NSF: variants seen among roughly 807,000 people sequenced by gnomAD.
The protein encoded by NSF is N-ethylmaleimide sensitive factor, vesicle fusing ATPase.
In NSF, 14 loss-of-function variants were observed where a neutral mutation model predicts 50.3. The observed-to-expected ratio is 0.28, with a 90% CI of 0.18 to 0.44. The LOEUF (loss-of-function observed/expected upper bound fraction) is 0.44. NSF is among the 20% of genes least tolerant of loss of function. The probability of loss-of-function intolerance (pLI) is 1.00; values close to 1 mark genes in which losing one functional copy is unlikely to be tolerated. For missense variants in NSF, 218 were observed against 504.3 expected, an observed-to-expected ratio of 0.43 and a Z score of 5.44; for synonymous variants, 109 against 175.7, an observed-to-expected ratio of 0.62 and a Z score of 3.00.
chr17:46,636,057 G>GT (rs143636174), intron 4 of NSF, among the ~76,000 whole-genome samples: 13 of 48,338 alleles, frequency 2.7e-4, no homozygotes, highest in Middle Eastern at 8.5e-3. Flanking sequence ...TAAGAATCAA[G>GT]TTTTTTTTTC....
chr17:46,631,054 C>T (rs1222182641), intron 4 of NSF, among the ~76,000 whole-genome samples: 3 of 104,300 alleles, frequency 2.9e-5, no homozygotes, highest in Non-Finnish European at 5.4e-5. Context: ...GTCTCTGTCT[C>T]TCTCTGTACA....
chr17:46,755,353 T>G lies in NSF; in HGVS notation c.2197T>G (p.Leu733Val), dbSNP rs1409594456. ...CCGTGTGAGAAAATTCTTGGCCCTC[T>G]TAAGAGAAGAAGGAGCGTAAGTACA... is the stretch of plus-strand genomic sequence containing the variant. ...EYRVRKFLAL[L>V]REEGASPLDF... Residue 733 changes from leucine (L) to valine (V), a missense_variant, in exon 20 of 21, where the codon TTA (leucine) becomes GTA (valine). By Grantham distance (32) the Leu-to-Val change is conservative. This residue lies in a region of NSF where 209 missense variants were observed against 320.9 expected (regional missense o/e 0.65). Coordinates refer to ENST00000398238, the MANE Select transcript of NSF (RefSeq NM_006178.4). 1 of 1,613,688 alleles carries G rather than the reference T, an allele frequency of 6.2e-7. No homozygotes were observed. The highest frequency in any genetic ancestry group is 2.2e-5 in the East Asian group (1 of 44,886).
chr17:46,638,793 C>CCAT (rs2058207441), intron 5 of NSF, among the ~76,000 whole-genome samples: 1 of 97,740 alleles, frequency 1.0e-5, no homozygotes, highest in Non-Finnish European at 1.8e-5. Flanking sequence ...CAGGTGTGAG[C>CCAT]CATCACGCCT....
At chr17:46,611,869 TGTTAAA>T (rs1438476678) in intron 1 of NSF, among the ~76,000 whole-genome samples, 1 of 104,410 alleles carries the variant, frequency 9.6e-6, no homozygotes, top group Non-Finnish European at 1.9e-5. Context: ...AACTGGACTT[TGTTAAA>T]GTTAAAAACT....
intron 17 of NSF, among the ~76,000 whole-genome samples, chr17:46,733,617 C>A (rs949587280): frequency 1.3e-5 from 2 of 152,206 alleles, no homozygotes; most frequent in Non-Finnish European, 2.9e-5. Context: ...AAAATGATAA[C>A]ATCTGATGAT....
intron 13 of NSF, among the ~76,000 whole-genome samples, chr17:46,709,595 A>G (rs1303230124): frequency 1.3e-5 from 2 of 151,944 alleles, no homozygotes; most frequent in Admixed American, 6.6e-5. Context: ...CCCGGGTTCA[A>G]GCAATTCTCC....
At chr17:46,676,581 T>C (rs1042902871) in intron 9 of NSF, among the ~76,000 whole-genome samples, 1 of 143,184 alleles carries the variant, frequency 7.0e-6, no homozygotes, top group Admixed American at 7.0e-5. Context: ...GGTTTAGAAT[T>C]TGAATGAATG....
intron 17 of NSF, among the ~76,000 whole-genome samples, chr17:46,748,664 C>T (rs2059154276): frequency 6.6e-6 from 1 of 152,176 alleles, no homozygotes; most frequent in Admixed American, 6.5e-5. Flanking sequence ...TAGAGAGTCA[C>T]CGCTTCAGAT....
At chr17:46,735,526 A>G (rs2146309196) in intron 17 of NSF, among the ~76,000 whole-genome samples, 1 of 151,980 alleles carries the variant, frequency 6.6e-6, no homozygotes, top group African/African-American at 2.4e-5. Context: ...TATAGCCTTG[A>G]ACGTCCCTTA....
chr17:46,724,984 C>A (rs956292233), intron 15 of NSF, among the ~76,000 whole-genome samples: 4 of 152,018 alleles, frequency 2.6e-5, no homozygotes, highest in African/African-American at 4.8e-5. Context: ...TAAATTTATT[C>A]TTTTAGTAAA....
chr17:46,717,969 T>C (rs1024793402), intron 15 of NSF, among the ~76,000 whole-genome samples: 5 of 152,146 alleles, frequency 3.3e-5, no homozygotes, highest in African/African-American at 1.2e-4. Context: ...AGAACATCCA[T>C]TGCCAGATCT....
intron 17 of NSF, among the ~76,000 whole-genome samples, chr17:46,740,042 C>T (rs199445): frequency 0.15 from 22,594 of 152,052 alleles, 1,986 homozygotes; most frequent in Non-Finnish European, 0.2. Flanking sequence ...TTTCATAGGC[C>T]CTGGGCACTG....
In NSF at chr17:46,720,314, AT is replaced by A. The variant is rs759659590; in HGVS notation, c.1762-6232del. Among the ~76,000 whole-genome samples the A allele has an allele frequency of 3.2e-3, 492 of 152,204 alleles. 4 individuals carry two copies. Among genetic ancestry groups the A allele is most frequent in the Non-Finnish European group, 6.2e-3 (425 of 68,008 alleles). ...TGTTCAATACACTGTGTCTTTTGGCATTTGTATCTCTTTGGCGTAGAAAGGA... is the reference window on the plus strand; with the variant it reads ...TGTTCAATACACTGTGTCTTTTGGCATTGTATCTCTTTGGCGTAGAAAGGA... On this transcript the variant is annotated intron_variant, in intron 15 of 20. Coordinates refer to ENST00000398238, the MANE Select transcript of NSF (RefSeq NM_006178.4).
chr17:46,748,690 C>G (rs9896243), intron 17 of NSF, among the ~76,000 whole-genome samples: 26,530 of 152,188 alleles, frequency 0.17, 2,528 homozygotes, highest in Middle Eastern at 0.21. Flanking sequence ...TGTGAACACA[C>G]AGGACTCCTG....
At chr17:46,749,285 A>G (rs1469405609) in intron 17 of NSF, among the ~76,000 whole-genome samples, 5 of 152,216 alleles carry the variant, frequency 3.3e-5, no homozygotes, top group East Asian at 3.8e-4. Context: ...AAATGTGACA[A>G]TTATGGAAAG....
intron 1 of NSF, among the ~76,000 whole-genome samples, chr17:46,599,886 T>TA (rs1225477722): frequency 1.9e-5 from 2 of 107,068 alleles, no homozygotes; most frequent in African/African-American, 4.3e-5. Flanking sequence ...TAATAATAAA[T>TA]AAAAAATAGA....
intron 17 of NSF, among the ~76,000 whole-genome samples, chr17:46,742,980 C>T (rs1210416714): frequency 6.6e-6 from 1 of 152,190 alleles, no homozygotes; most frequent in African/African-American, 2.4e-5. Context: ...GCTTCTTACT[C>T]TTGGCTCTGA....
intron 12 of NSF, among the ~76,000 whole-genome samples, chr17:46,697,456 C>T (rs1436861348): frequency 5.4e-5 from 8 of 147,624 alleles, no homozygotes; most frequent in East Asian, 4.2e-4. Context: ...GTGATCCGCC[C>T]GCCTCAGCCT....
chr17:46,729,924 T>C (rs2058932354), intron 17 of NSF, among the ~76,000 whole-genome samples: 1 of 152,124 alleles, frequency 6.6e-6, no homozygotes, highest in Admixed American at 6.6e-5. Flanking sequence ...ATTTGCAACA[T>C]ATGTGTACTG....
Sources: gnomAD v4.1 joint callset for allele counts (sites outside exome capture counted in the v4.1 genomes callset) on GRCh38, gnomAD v4.1.1 for gene constraint, gnomAD v4.1.1 regional missense constraint, MANE v1.5 for transcripts, NCBI Gene and HGNC (gene_info 2026-07-23, HGNC 2026-07-21) for gene names.